PCOLCE2: variants seen among roughly 807,000 people sequenced by gnomAD.
PCOLCE2 encodes procollagen C-proteinase enhancer 2.
PCOLCE2 carries 42 observed loss-of-function variants against 47.0 expected under a neutral mutation model. The observed-to-expected ratio is 0.89, with a 90% CI of 0.70 to 1.16. The LOEUF (loss-of-function observed/expected upper bound fraction) is 1.16, where lower values mean the gene tolerates loss of function less well. PCOLCE2 is among the 50% of genes most tolerant of loss of function. PCOLCE2 has a pLI of 0.00. For synonymous variants in PCOLCE2, 169 were observed against 191.7 expected, an observed-to-expected ratio of 0.88 and a Z score of 0.98; for missense variants, 500 against 526.1, an observed-to-expected ratio of 0.95 and a Z score of 0.49.
chr3:142,832,364 G>A (rs917976847), intron 5 of PCOLCE2, among the ~76,000 whole-genome samples: 1 of 152,044 alleles, frequency 6.6e-6, no homozygotes, highest in African/African-American at 2.4e-5. Context: ...TGCAGCACAC[G>A]GAAGCCAACT....
At chr3:142,871,379 C>A (rs577706022) in intron 2 of PCOLCE2, among the ~76,000 whole-genome samples, 1 of 152,168 alleles carries the variant, frequency 6.6e-6, no homozygotes, top group Non-Finnish European at 1.5e-5. Context: ...TCACAGACAC[C>A]TTATGGCACT....
chr3:142,851,628 C>T (rs944516077), intron 2 of PCOLCE2, among the ~76,000 whole-genome samples: 27 of 151,848 alleles, frequency 1.8e-4, no homozygotes, highest in Admixed American at 8.5e-4. Context: ...AGTTATTTGG[C>T]GGAGAAGAGG....
chr3:142,872,823 A>G (rs1933420473), intron 2 of PCOLCE2, among the ~76,000 whole-genome samples: 1 of 152,230 alleles, frequency 6.6e-6, no homozygotes, highest in Non-Finnish European at 1.5e-5. Context: ...GCCAGAGCCA[A>G]GTATCATCAT....
At chr3:142,834,379 T>C (rs1644418227) in intron 5 of PCOLCE2, among the ~76,000 whole-genome samples, 1 of 152,214 alleles carries the variant, frequency 6.6e-6, no homozygotes, top group African/African-American at 2.4e-5. Context: ...AGTCTTCCTA[T>C]TCATGAGCAT....
intron 2 of PCOLCE2, among the ~76,000 whole-genome samples, chr3:142,863,096 C>CA (rs35383176): frequency 2.2e-3 from 186 of 85,864 alleles, no homozygotes; most frequent in Non-Finnish European, 2.9e-3. Context: ...GTCTGGCAGG[C>CA]AAAAAAAAAA....
intron 2 of PCOLCE2, among the ~76,000 whole-genome samples, chr3:142,884,980 T>A (rs1214412570): frequency 6.6e-6 from 1 of 152,096 alleles, no homozygotes; most frequent in Admixed American, 6.6e-5. Flanking sequence ...AAATAGCCAA[T>A]ACAGTGTGTT....
In PCOLCE2 at chr3:142,889,036, C is replaced by G. The variant is rs1439654691; in HGVS notation, c.-140G>C. On this transcript the variant is annotated 5_prime_UTR_variant, in exon 1 of 9. Coordinates refer to ENST00000295992, the MANE Select transcript of PCOLCE2 (RefSeq NM_013363.4). Reference sequence around the variant, plus strand: ...CGGCGCTCGGCTGCCCGCGCGCTCCCTCTCACGCGCGCACCGCCGCGGGGC... The same window carrying G: ...CGGCGCTCGGCTGCCCGCGCGCTCCGTCTCACGCGCGCACCGCCGCGGGGC... 1 of 406,024 alleles carries G rather than the reference C, an allele frequency of 2.5e-6. No homozygotes were observed. The highest frequency in any genetic ancestry group is 4.3e-6 in the Non-Finnish European group (1 of 232,790). 25.2% of individuals were successfully genotyped at this position (406,024 alleles called of 1,614,324 possible). A position where few individuals can be genotyped will look rare whatever the true frequency, so the allele number is the denominator to read the frequency against.
chr3:142,850,248 T>C (rs1429694099), intron 2 of PCOLCE2, among the ~76,000 whole-genome samples: 2 of 152,230 alleles, frequency 1.3e-5, no homozygotes, highest in South Asian at 2.1e-4. Context: ...ATCTGTAATC[T>C]TAAATATAAG....
intron 2 of PCOLCE2, among the ~76,000 whole-genome samples, chr3:142,868,500 TACCTGCTCCACCCTGACTCATTCTGATC>T (rs1276806869): frequency 3.4e-4 from 52 of 152,292 alleles, no homozygotes; most frequent in Middle Eastern, 3.4e-3. Flanking sequence ...CTTTTGGGAT[TACCTGCTCCACCCTGACTCATTCTGATC>T]ACCTGCTCCA....
intron 2 of PCOLCE2, among the ~76,000 whole-genome samples, chr3:142,857,386 T>C (rs1315598662): frequency 6.6e-6 from 1 of 152,172 alleles, no homozygotes. Flanking sequence ...GTCTTTCACA[T>C]TTAGCCATGT....
At chr3:142,827,054 T>G (rs1369338864) in intron 6 of PCOLCE2, 1 of 986,148 alleles carries the variant, frequency 1.0e-6, no homozygotes, top group African/African-American at 1.6e-5. Flanking sequence ...TGACTCTTAC[T>G]TTTTTTTGGC....
chr3:142,850,964 G>C (rs9810808), intron 2 of PCOLCE2, among the ~76,000 whole-genome samples: 1 of 152,154 alleles, frequency 6.6e-6, no homozygotes, highest in Admixed American at 6.5e-5. Flanking sequence ...AGCAGGCAAA[G>C]GGGGATCTGA....
intron 6 of PCOLCE2, among the ~76,000 whole-genome samples, chr3:142,829,272 G>A (rs1274883409): frequency 4.7e-5 from 7 of 147,892 alleles, no homozygotes; most frequent in African/African-American, 7.4e-5. Flanking sequence ...ATGACATTTC[G>A]CTGAGAAGCA....
chr3:142,855,024 C>T (rs1242459273), intron 2 of PCOLCE2, among the ~76,000 whole-genome samples: 2 of 152,192 alleles, frequency 1.3e-5, no homozygotes, highest in African/African-American at 2.4e-5. Flanking sequence ...GAGCTGGTTC[C>T]CACCTAAGGG....
At chr3:142,868,755 C>T (rs1018926104) in intron 2 of PCOLCE2, among the ~76,000 whole-genome samples, 1 of 152,222 alleles carries the variant, frequency 6.6e-6, no homozygotes, top group Admixed American at 6.5e-5. Flanking sequence ...GCAGGGGCCA[C>T]GTGCGTCAGG....
In PCOLCE2 at chr3:142,869,636, C is replaced by T. The variant is rs143778463; in HGVS notation, c.192+18033G>A. On this transcript the variant is annotated intron_variant, in intron 2 of 8. Coordinates refer to ENST00000295992, the MANE Select transcript of PCOLCE2 (RefSeq NM_013363.4). ...TAATAAAAACCTTGGTCTCCACAAC[C>T]CTTTATCTTAATCAGACACTTCTTT... Among the ~76,000 whole-genome samples the T allele has an allele frequency of 6.7e-3, 1,014 of 152,270 alleles. 4 individuals are homozygous for T. The highest frequency in any genetic ancestry group is 0.011 in the Non-Finnish European group (725 of 68,024).
intron 2 of PCOLCE2, among the ~76,000 whole-genome samples, chr3:142,877,812 ATGAG>A (rs1933530428): frequency 6.6e-6 from 1 of 152,118 alleles, no homozygotes; most frequent in African/African-American, 2.4e-5. Flanking sequence ...CATCTCCCCA[ATGAG>A]TAAGAGCCTC....
At chr3:142,856,132 G>A (rs1313558071) in intron 2 of PCOLCE2, among the ~76,000 whole-genome samples, 1 of 152,202 alleles carries the variant, frequency 6.6e-6, no homozygotes, top group Non-Finnish European at 1.5e-5. Context: ...TAGTAAGGGA[G>A]ACATCAGCTT....
chr3:142,836,438 A>G (rs1040775775), intron 5 of PCOLCE2, among the ~76,000 whole-genome samples: 1 of 152,118 alleles, frequency 6.6e-6, no homozygotes, highest in Non-Finnish European at 1.5e-5. Flanking sequence ...GCCCCGGGGG[A>G]GCTGCCATCT....
Sources: gnomAD v4.1 joint callset for allele counts (sites outside exome capture counted in the v4.1 genomes callset) on GRCh38, gnomAD v4.1.1 for gene constraint, MANE v1.5 for transcripts, NCBI Gene and HGNC (gene_info 2026-07-23, HGNC 2026-07-21) for gene names.